The following KIAA0040 variants were observed in gnomAD, a reference collection of about 807,000 sequenced individuals.
KIAA0040 encodes KIAA0040.
A neutral mutation model predicts 7.2 loss-of-function variants in KIAA0040; 10 were observed. The ratio of observed to expected loss-of-function variants is 1.38; its 90% confidence interval spans 0.85 to 2.34. The LOEUF (loss-of-function observed/expected upper bound fraction) is 2.34. Among genes scored for constraint, KIAA0040 ranks in the 30% most tolerant of loss-of-function variants. The probability of loss-of-function intolerance (pLI) is 0.00; values close to 1 mark genes in which losing one functional copy is unlikely to be tolerated. For missense variants in KIAA0040, 89 were observed against 108.2 expected (o/e 0.82, Z 0.79); for synonymous variants, 49 against 40.1 (o/e 1.22, Z -0.84).
chr1:175,169,223 C>T (rs1430689834), intron 2 of KIAA0040, among the ~76,000 whole-genome samples: 2 of 152,178 alleles, frequency 1.3e-5, no homozygotes, highest in Non-Finnish European at 2.9e-5. Context: ...TTGCTTATAA[C>T]AAATGTGCAA....
intron 3 of KIAA0040, 126 bp from the exon 4 acceptor site, chr1:175,161,272 T>C: frequency 2.6e-6 from 1 of 380,160 alleles, no homozygotes; most frequent in Non-Finnish European, 4.7e-6. Context: ...TCAGTAAACT[T>C]GTATTGACTC....
chr1:175,166,890 T>C (rs1676786181), intron 2 of KIAA0040, 153 bp from the exon 3 acceptor site: 1 of 152,310 alleles, frequency 6.6e-6, no homozygotes, highest in Non-Finnish European at 1.5e-5. Context: ...ACGACCATCA[T>C]GACTGGTGTC....
At chr1:175,175,793 T>G (rs1355041347) in intron 2 of KIAA0040, among the ~76,000 whole-genome samples, 3 of 151,816 alleles carry the variant, frequency 2.0e-5, no homozygotes, top group Non-Finnish European at 4.4e-5. Context: ...ACCAAACACC[T>G]CATGTTCTCA....
chr1:175,162,164 A>T (rs968293463), intron 3 of KIAA0040, among the ~76,000 whole-genome samples: 1 of 152,180 alleles, frequency 6.6e-6, no homozygotes, highest in Non-Finnish European at 1.5e-5. Flanking sequence ...CCATTCTGGA[A>T]TTACAGGTTC....
intron 1 of KIAA0040, among the ~76,000 whole-genome samples, chr1:175,182,955 T>C (rs1677497233): frequency 6.6e-6 from 1 of 152,112 alleles, no homozygotes; most frequent in Non-Finnish European, 1.5e-5. Context: ...GGGAAGACAG[T>C]GATGAATCCT....
At position 175,159,246 on chromosome 1, in the gene KIAA0040, G is replaced by A. The variant is rs534711775; in HGVS notation, c.*1468C>T. ...CTCTGCTTCCCAACCTCACTCTGGC[G>A]GGGAAAGCCCTCCTCAGCTCACTGT... On this transcript the variant is annotated 3_prime_UTR_variant, in exon 4 of 4. Transcript: ENST00000423313. 8 of 152,230 alleles carry A rather than the reference G, an allele frequency of 5.3e-5. No homozygotes were observed. The highest frequency in any genetic ancestry group is 1.2e-4 in the Non-Finnish European group (8 of 68,040). The allele number at this position is 152,230 out of a possible 1,614,324, so 9.4% of individuals were successfully genotyped here.
chr1:175,164,132 C>T (rs1006781127), intron 3 of KIAA0040, among the ~76,000 whole-genome samples: 7 of 152,052 alleles, frequency 4.6e-5, no homozygotes, highest in African/African-American at 1.2e-4. Context: ...ATAGGGTTTG[C>T]GTTTATTTGG....
Position 175,186,052 on chromosome 1 carries a change from A to G in KIAA0040, c.-384+6588T>C, listed in dbSNP as rs147073466. On this transcript the variant is annotated intron_variant, in intron 1 of 3. Coordinates refer to ENST00000423313, the MANE Select transcript of KIAA0040 (RefSeq NM_014656.3). The stretch of plus-strand genomic sequence containing the variant: ...CGGGAAGAGGGAACAAGAAGAAGAA[A>G]TTGCTTAATGGTTATGGGTTTTTAT... 1.0e-3 allele frequency among the ~76,000 whole-genome samples: 155 copies of G among 152,318 alleles called. 4 individuals carry two copies. The East Asian group carries it at 0.026, about 26-fold the overall frequency.
intron 1 of KIAA0040, among the ~76,000 whole-genome samples, chr1:175,183,151 C>T (rs916275680): frequency 6.6e-6 from 1 of 152,224 alleles, no homozygotes; most frequent in Non-Finnish European, 1.5e-5. Flanking sequence ...CTTTCCTTCT[C>T]TACCACCTCA....
At chr1:175,168,707 A>T (rs1676870229) in intron 2 of KIAA0040, among the ~76,000 whole-genome samples, 1 of 152,242 alleles carries the variant, frequency 6.6e-6, no homozygotes, top group Non-Finnish European at 1.5e-5. Flanking sequence ...AGCCAGGGCC[A>T]GAACCAATGT....
intron 2 of KIAA0040, among the ~76,000 whole-genome samples, chr1:175,173,302 A>G (rs1197859554): frequency 6.6e-6 from 1 of 152,210 alleles, no homozygotes; most frequent in Non-Finnish European, 1.5e-5. Context: ...GGTTGGCAAA[A>G]GTCTTATCAC....
rs1396882005 is a variant in KIAA0040, at chr1:175,157,231, C to CCATTGATGGAACT, written c.*3482_*3483insAGTTCCATCAATG. 1 of 152,174 alleles carries CCATTGATGGAACT rather than the reference C, an allele frequency of 6.6e-6. No homozygotes were observed. Among genetic ancestry groups the CCATTGATGGAACT allele is most frequent in the Non-Finnish European group, 1.5e-5 (1 of 68,038 alleles). 9.4% of individuals were successfully genotyped at this position (152,174 alleles called of 1,614,324 possible). On this transcript the variant is annotated 3_prime_UTR_variant, in exon 4 of 4. Coordinates refer to ENST00000423313, the MANE Select transcript of KIAA0040 (RefSeq NM_014656.3). The stretch of plus-strand genomic sequence containing the variant: ...ATTTCCCCCCTTTTCCTTTAAGAAG[C>CCATTGATGGAACT]CATTGATGGACCTCATTGATGGAAA...
At chr1:175,175,195 A>T (rs1677138690) in intron 2 of KIAA0040, among the ~76,000 whole-genome samples, 1 of 152,216 alleles carries the variant, frequency 6.6e-6, no homozygotes, top group Non-Finnish European at 1.5e-5. Flanking sequence ...ACGACCAAAC[A>T]CTTGTGTCAT....
intron 1 of KIAA0040, among the ~76,000 whole-genome samples, chr1:175,189,560 T>C (rs1196307912): frequency 6.6e-6 from 1 of 151,736 alleles, no homozygotes; most frequent in African/African-American, 2.4e-5. Flanking sequence ...GTGATTGATA[T>C]CATGGAAGGA....
At position 175,158,293 on chromosome 1, in the gene KIAA0040, C is replaced by T. The variant is rs1676374470; in HGVS notation, c.*2421G>A. ...AAGTGAGTTTCTGGGTGTTTCATCC[C>T]TGGGGTGAGAGCAAGTCCATTGGAT... is the stretch of plus-strand genomic sequence containing the variant. On this transcript the variant is annotated 3_prime_UTR_variant, in exon 4 of 4. Coordinates refer to ENST00000423313, the MANE Select transcript of KIAA0040 (RefSeq NM_014656.3). 1 of 152,210 alleles carries T rather than the reference C, an allele frequency of 6.6e-6. No individual in the cohort carries two copies. The highest frequency in any genetic ancestry group is 2.1e-4 in the South Asian group (1 of 4,826). The allele number at this position is 152,210 out of a possible 1,614,324, so 9.4% of individuals were successfully genotyped here.
intron 1 of KIAA0040, among the ~76,000 whole-genome samples, chr1:175,182,273 G>C (rs528091624): frequency 6.6e-6 from 1 of 152,258 alleles, no homozygotes; most frequent in Admixed American, 6.5e-5. Flanking sequence ...TGAATTTTCT[G>C]CCTCCTCCCT....
In KIAA0040 at chr1:175,160,599, GTAGT is replaced by G. The variant is rs1341288972; in HGVS notation, c.*111_*114del. On this transcript the variant is annotated 3_prime_UTR_variant, in exon 4 of 4. Transcript: ENST00000423313. Reference sequence around the variant, plus strand: ...AGTCTGAGGTTTGTTCCTTGGTTGAGTAGTTACTCTGTGGACATGGACATAGTGC... The same window carrying G: ...AGTCTGAGGTTTGTTCCTTGGTTGAGTACTCTGTGGACATGGACATAGTGC... The G allele has an allele frequency of 1.9e-6, 2 of 1,036,948 alleles. No individual in the cohort carries two copies. Among genetic ancestry groups the G allele is most frequent in the South Asian group, 1.7e-5 (1 of 57,590 alleles). The allele number at this position is 1,036,948 out of a possible 1,614,324, so 64.2% of individuals were successfully genotyped here. A position where few individuals can be genotyped will look rare whatever the true frequency, so the allele number is the denominator to read the frequency against.
At chr1:175,176,336 A>G (rs1677188269) in intron 2 of KIAA0040, 1 of 152,264 alleles carries the variant, frequency 6.6e-6, no homozygotes, top group Non-Finnish European at 1.5e-5. Context: ...ATTAAGTCTT[A>G]AAATGCAAAG....
Position 175,157,426 on chromosome 1 carries a change from G to A in KIAA0040, c.*3288C>T, listed in dbSNP as rs959228906. Reference sequence around the variant, plus strand: ...GCGAAGGCGGTGACCAGGGAGGGCTGGGACATTTGTGTCACAGAAAGAGTC... The same window carrying A: ...GCGAAGGCGGTGACCAGGGAGGGCTAGGACATTTGTGTCACAGAAAGAGTC... On this transcript the variant is annotated 3_prime_UTR_variant, in exon 4 of 4. Coordinates refer to ENST00000423313, the MANE Select transcript of KIAA0040 (RefSeq NM_014656.3). 6.6e-6 allele frequency: 1 copy of A among 152,208 alleles called. No homozygotes were observed. Among genetic ancestry groups the A allele is most frequent in the African/African-American group, 2.4e-5 (1 of 41,438 alleles). 9.4% of individuals were successfully genotyped at this position (152,208 alleles called of 1,614,324 possible). A position where few individuals can be genotyped will look rare whatever the true frequency, so the allele number is the denominator to read the frequency against.
Sources: allele counts gnomAD v4.1 joint callset (sites outside exome capture counted in the v4.1 genomes callset), GRCh38; gene constraint gnomAD v4.1.1; transcripts MANE v1.5; gene names NCBI Gene and HGNC (gene_info 2026-07-23, HGNC 2026-07-21).